Variants in PITPNM2 observed in about 807,000 individuals in gnomAD.
PITPNM2 encodes the protein membrane-associated phosphatidylinositol transfer protein 2.
A neutral mutation model predicts 132.2 loss-of-function variants in PITPNM2; 35 were observed. The ratio of observed to expected loss-of-function variants is 0.26; its 90% CI spans 0.20 to 0.35. The LOEUF is 0.35. PITPNM2 is among the 10% of genes least tolerant of loss of function. PITPNM2 has a pLI of 1.00. For synonymous variants in PITPNM2, 738 were observed against 799.2 expected, an observed-to-expected ratio of 0.92 and a Z score of 1.29; for missense variants, 1,332 against 1,912.0, an observed-to-expected ratio of 0.70 and a Z score of 5.66.
At chr12:123,131,581 G>C (rs1268492911) in intron 1 of PITPNM2, among the ~76,000 whole-genome samples, 6 of 152,164 alleles carry the variant, frequency 3.9e-5, no homozygotes, top group Non-Finnish European at 8.8e-5. Context: ...GCTTGCCCTA[G>C]GAGCAGAGGC....
chr12:123,143,883 T>C (rs1362051627), intron 1 of PITPNM2, among the ~76,000 whole-genome samples: 1 of 152,160 alleles, frequency 6.6e-6, no homozygotes, highest in Non-Finnish European at 1.5e-5. Flanking sequence ...GCAGCTCCAG[T>C]CTTCATCCAT....
intron 2 of PITPNM2, among the ~76,000 whole-genome samples, chr12:123,072,301 G>T (rs2041641121): frequency 6.6e-6 from 1 of 152,194 alleles, no homozygotes; most frequent in Non-Finnish European, 1.5e-5. Flanking sequence ...CTTATAATCA[G>T]GCTGATGGTA....
chr12:123,137,587 C>A (rs1480203929), intron 1 of PITPNM2, among the ~76,000 whole-genome samples: 1 of 152,096 alleles, frequency 6.6e-6, no homozygotes. Context: ...GTATTGGAAC[C>A]AAGGCACAGA....
Position 122,987,793 on chromosome 12 carries a change from C to T in PITPNM2, c.3106G>A (p.Gly1036Arg). Residue 1036 changes from glycine (G) to arginine (R), a missense_variant, in exon 21 of 26, where the codon GGG becomes AGG. Physicochemically the swap from Gly to Arg is moderately radical, Grantham distance 125 (BLOSUM62 -2). This residue lies in a region of PITPNM2 where 251 missense variants were observed against 472.0 expected (regional missense o/e 0.53). Coordinates refer to ENST00000320201, the MANE Select transcript of PITPNM2 (RefSeq NM_020845.3). The stretch of plus-strand genomic sequence containing the variant: ...ACCCGCCGTGTCCTTACCTTCTCCC[C>T]AGTCAGGGTGACCATGTCCAGGGGC... ...YGPLDMVTLT[G>R]EKVDVHIMTQ... 1 of 1,613,994 alleles carries T rather than the reference C, an allele frequency of 6.2e-7. No individual in the cohort carries two copies. Among genetic ancestry groups the T allele is most frequent in the South Asian group, 1.1e-5 (1 of 91,084 alleles).
chr12:123,130,762 A>G (rs769688228), intron 1 of PITPNM2, among the ~76,000 whole-genome samples: 3 of 152,198 alleles, frequency 2.0e-5, no homozygotes, highest in Non-Finnish European at 2.9e-5. Flanking sequence ...CCTGGGTGAC[A>G]GAGCGAGACT....
chr12:122,996,363 C>G, intron 13 of PITPNM2, 95 bp downstream of exon 13: 1 of 1,526,756 alleles, frequency 6.5e-7, no homozygotes, highest in Non-Finnish European at 8.8e-7. Flanking sequence ...GTGGACACAG[C>G]CTGGGGCCAG....
rs1293374098 is a variant in PITPNM2 at position 122,997,528 on chromosome 12, G to A, written c.1269C>T (p.His423=). The A allele has an allele frequency of 5.0e-6, 8 of 1,613,118 alleles. No homozygotes were observed. The Admixed American group carries it at 8.3e-5, about 17-fold the overall frequency. The change falls in exon 11 of 26, where the codon CAC becomes CAT. Residue 423 remains histidine (H), a synonymous_variant. Coordinates refer to ENST00000320201, the MANE Select transcript of PITPNM2 (RefSeq NM_020845.3). ...CTCCGTGCAGCACCAGTAGCAGCACGTGGATCTTGGAGGGCGGTGCAGCCA... is the reference window on the plus strand; with the variant it reads ...CTCCGTGCAGCACCAGTAGCAGCACATGGATCTTGGAGGGCGGTGCAGCCA... The part of the protein sequence containing the change: ...QPLAAPPSKI[H]VLLLVLHGGT...
intron 2 of PITPNM2, among the ~76,000 whole-genome samples, chr12:123,057,974 C>T (rs1033677091): frequency 6.6e-6 from 1 of 152,150 alleles, no homozygotes; most frequent in Admixed American, 6.5e-5. Context: ...GCCAGCTGGG[C>T]CCCAAGTCCC....
intron 1 of PITPNM2, among the ~76,000 whole-genome samples, chr12:123,129,767 GAC>G (rs1240144289): frequency 6.6e-6 from 1 of 152,090 alleles, no homozygotes; most frequent in African/African-American, 2.4e-5. Context: ...GGAACACAGA[GAC>G]ACAGAAAAAT....
intron 1 of PITPNM2, among the ~76,000 whole-genome samples, chr12:123,114,771 T>C (rs970537059): frequency 2.0e-5 from 3 of 152,308 alleles, no homozygotes; most frequent in Middle Eastern, 3.4e-3. Flanking sequence ...GAAGAGTCGA[T>C]GAGCTAAAGA....
intron 3 of PITPNM2, among the ~76,000 whole-genome samples, chr12:123,030,173 T>G (rs2040031079): frequency 6.6e-6 from 1 of 152,148 alleles, no homozygotes; most frequent in African/African-American, 2.4e-5. Context: ...ACCTGGGGAC[T>G]CTTCTGTTTC....
intron 3 of PITPNM2, among the ~76,000 whole-genome samples, chr12:123,016,129 C>A (rs1422408096): frequency 2.0e-5 from 3 of 151,986 alleles, no homozygotes; most frequent in Admixed American, 2.0e-4. Context: ...AGTTAGAGAC[C>A]AGCCTGGCCA....
Position 123,030,995 on chromosome 12 carries a change from G to A in PITPNM2, c.78+3518C>T, listed in dbSNP as rs559014429. On this transcript the variant is annotated intron_variant, in intron 3 of 25. Transcript: ENST00000320201. ...GATTGTCAGGGGGTGGGGAGGGGGAGTGAGGAGTGACTGTTTAATGGATAT... is the reference window on the plus strand; with the variant it reads ...GATTGTCAGGGGGTGGGGAGGGGGAATGAGGAGTGACTGTTTAATGGATAT... Among the ~76,000 whole-genome samples the A allele has an allele frequency of 1.7e-4, 26 of 152,292 alleles. No homozygotes were observed. In the South Asian group the frequency reaches 2.7e-3, roughly 16 times the overall value.
At chr12:123,091,757 C>A (rs1424998210) in intron 2 of PITPNM2, 1 of 152,152 alleles carries the variant, frequency 6.6e-6, no homozygotes, top group African/African-American at 2.4e-5. Context: ...CATATAGGAG[C>A]CTGGCCTGAG....
chr12:123,021,638 C>T, intron 3 of PITPNM2: 2 of 981,338 alleles, frequency 2.0e-6, no homozygotes, highest in Non-Finnish European at 2.4e-6. Context: ...TCCCCTTGAA[C>T]AGCAAGCTGC....
chr12:123,071,466 G>A (rs914975164), intron 2 of PITPNM2, among the ~76,000 whole-genome samples: 1 of 152,242 alleles, frequency 6.6e-6, no homozygotes, highest in Non-Finnish European at 1.5e-5. Context: ...CTGAGGGCAA[G>A]CTCAGTCCAG....
At chr12:123,129,845 A>G (rs1324213951) in intron 1 of PITPNM2, among the ~76,000 whole-genome samples, 4 of 151,838 alleles carry the variant, frequency 2.6e-5, no homozygotes, top group Non-Finnish European at 5.9e-5. Flanking sequence ...ACACACACAC[A>G]TGAACATGCA....
At chr12:123,033,093 C>G (rs1056571488) in intron 3 of PITPNM2, among the ~76,000 whole-genome samples, 1 of 152,246 alleles carries the variant, frequency 6.6e-6, no homozygotes, top group Admixed American at 6.5e-5. Flanking sequence ...CCTGCTGAAG[C>G]CTTTCCCCCA....
intron 2 of PITPNM2, among the ~76,000 whole-genome samples, chr12:123,035,807 C>T (rs1303713585): frequency 6.6e-6 from 1 of 152,186 alleles, no homozygotes; most frequent in Non-Finnish European, 1.5e-5. Flanking sequence ...AGGTCACATG[C>T]TGTTAACATG....
Sources: gnomAD v4.1 joint callset for allele counts (sites outside exome capture counted in the v4.1 genomes callset) on GRCh38, gnomAD v4.1.1 for gene constraint, gnomAD v4.1.1 regional missense constraint, MANE v1.5 for transcripts, NCBI Gene and HGNC (gene_info 2026-07-23, HGNC 2026-07-21) for gene names.